Variants in PCBD2 observed in about 807,000 individuals in gnomAD.
PCBD2 encodes pterin-4 alpha-carbinolamine dehydratase 2.
In PCBD2, 12 loss-of-function variants were observed where a neutral mutation model predicts 16.4. The observed-to-expected ratio is 0.73, with a 90% CI of 0.47 to 1.19. The LOEUF (loss-of-function observed/expected upper bound fraction) is 1.19, where lower values mean the gene tolerates loss of function less well. Among genes scored for constraint, PCBD2 ranks in the 50% most tolerant of loss-of-function variants. The pLI is 0.00. For synonymous variants in PCBD2, 58 were observed against 61.8 expected (o/e 0.94, Z 0.29); for missense variants, 138 against 156.8 (o/e 0.88, Z 0.64).
chr5:134,954,755 T>G (rs1418482411), intron 2 of PCBD2, among the ~76,000 whole-genome samples: 1 of 152,132 alleles, frequency 6.6e-6, no homozygotes, highest in East Asian at 1.9e-4. Flanking sequence ...TCTTTTTTTT[T>G]TTTTGAGACA....
At chr5:134,926,988 G>A (rs1003434416) in intron 2 of PCBD2, 2 of 398,378 alleles carry the variant, frequency 5.0e-6, no homozygotes, top group South Asian at 1.3e-4. Context: ...TGGGAGTAGG[G>A]TTTGAAGTCC....
chr5:134,909,485 C>G (rs1010197354), intron 1 of PCBD2, among the ~76,000 whole-genome samples: 1 of 152,158 alleles, frequency 6.6e-6, no homozygotes, highest in African/African-American at 2.4e-5. Flanking sequence ...AAAGACAGAC[C>G]AAAACAAGGC....
In PCBD2 at chr5:134,946,113, C is replaced by CA. The variant is rs956738222; in HGVS notation, c.217-12921dup. Among the ~76,000 whole-genome samples the CA allele has an allele frequency of 4.6e-5, 7 of 150,800 alleles. No individual in the cohort carries two copies. The East Asian group carries it at 1.2e-3, about 25-fold the overall frequency. On this transcript the variant is annotated intron_variant, in intron 2 of 3. Coordinates refer to ENST00000254908, the MANE Select transcript of PCBD2 (RefSeq NM_032151.5). The stretch of plus-strand genomic sequence containing the variant: ...TAAATAAGATTGTTTAAAACAAAAA[C>CA]AAAAAATCCCTACTTTCCATCTATA...
At chr5:134,921,317 T>C (rs1750901003) in intron 2 of PCBD2, among the ~76,000 whole-genome samples, 1 of 152,214 alleles carries the variant, frequency 6.6e-6, no homozygotes, top group African/African-American at 2.4e-5. Flanking sequence ...TACTAGAATG[T>C]GAAGTGCTGT....
At chr5:134,954,694 T>G (rs1258430547) in intron 2 of PCBD2, among the ~76,000 whole-genome samples, 1 of 152,192 alleles carries the variant, frequency 6.6e-6, no homozygotes, top group Non-Finnish European at 1.5e-5. Context: ...GTATTGCCCC[T>G]CTGACTTCTA....
Position 134,913,386 on chromosome 5 carries a change from T to G in PCBD2, c.216+2920T>G, listed in dbSNP as rs539592242. On this transcript the variant is annotated intron_variant, in intron 2 of 3. Transcript: ENST00000254908. ...GAATAATGTGAAGGAGCTCAGCACA[T>G]GGTGATCCAAGGGAAGAGCTTTCCA... is the stretch of plus-strand genomic sequence containing the variant. Among the ~76,000 whole-genome samples the G allele has an allele frequency of 3.3e-5, 5 of 152,204 alleles. No individual in the cohort carries two copies. In the South Asian group the frequency reaches 1.0e-3, roughly 32 times the overall value.
In PCBD2 at chr5:134,961,517, C is replaced by T. The variant is rs1751477065; in HGVS notation, c.*836C>T. On this transcript the variant is annotated 3_prime_UTR_variant, in exon 4 of 4. Transcript: ENST00000254908. ...GCCAGGATGGTCTCGATCTACTGACCTCGTGATCCACCTGCCTCCACCTCC... is the reference window on the plus strand; with the variant it reads ...GCCAGGATGGTCTCGATCTACTGACTTCGTGATCCACCTGCCTCCACCTCC... Among the ~76,000 whole-genome samples, 1 of 152,016 alleles carries T rather than the reference C, an allele frequency of 6.6e-6. No homozygotes were observed. The highest frequency in any genetic ancestry group is 1.5e-5 in the Non-Finnish European group (1 of 68,006).
intron 2 of PCBD2, among the ~76,000 whole-genome samples, chr5:134,947,776 T>G (rs1010845578): frequency 7.2e-6 from 1 of 137,932 alleles, no homozygotes; most frequent in Non-Finnish European, 1.6e-5. Flanking sequence ...TATGAAGTCG[T>G]TTTTTTTTTA....
At chr5:134,924,879 TCCG>T in intron 2 of PCBD2, 1 of 390,568 alleles carries the variant, frequency 2.6e-6, no homozygotes, top group East Asian at 3.6e-5. Flanking sequence ...TAGGGTAAAA[TCCG>T]AGTATATTAG....
chr5:134,957,074 C>T (rs1207790888), intron 2 of PCBD2, among the ~76,000 whole-genome samples: 1 of 151,984 alleles, frequency 6.6e-6, no homozygotes, highest in Non-Finnish European at 1.5e-5. Context: ...ACCAGCCTGG[C>T]CAAGATAGTG....
intron 2 of PCBD2, chr5:134,923,786 T>C: frequency 5.1e-6 from 2 of 393,404 alleles, no homozygotes; most frequent in Non-Finnish European, 4.5e-6. Flanking sequence ...TGAAGAATAT[T>C]GAGGCGCCAT....
Position 134,953,958 on chromosome 5 carries a change from A to T in PCBD2, c.217-5082A>T, listed in dbSNP as rs970520102. On this transcript the variant is annotated intron_variant, in intron 2 of 3. Coordinates refer to ENST00000254908, the MANE Select transcript of PCBD2 (RefSeq NM_032151.5). ...TTTTCAGTCCTAGTGCTTATGTTTA[A>T]TTAATTAATTAATCAGATACAGAGT... Among the ~76,000 whole-genome samples, 4 of 151,860 alleles carry T rather than the reference A, an allele frequency of 2.6e-5. No homozygotes were observed. In the East Asian group the frequency reaches 5.8e-4, roughly 22 times the overall value.
At chr5:134,917,810 C>T (rs4345357) in intron 2 of PCBD2, among the ~76,000 whole-genome samples, 9,568 of 152,182 alleles carry the variant, frequency 0.063, 723 homozygotes, top group African/African-American at 0.19. Context: ...CTTTGGGGTT[C>T]GTAAAATGTT....
At chr5:134,910,048 C>T (rs543023586) in intron 1 of PCBD2, among the ~76,000 whole-genome samples, 33 of 152,266 alleles carry the variant, frequency 2.2e-4, no homozygotes, top group African/African-American at 7.2e-4. Flanking sequence ...CCAGCCTGGG[C>T]GACAGAGCGA....
rs1044224828 is a variant in PCBD2, at chr5:134,961,949, A to T, written c.*1268A>T. ...ACTAATTTTTAAATTTTTTGTAGAG[A>T]TGGGGTCTCCCATCTTGCCCAGGCT... On this transcript the variant is annotated 3_prime_UTR_variant, in exon 4 of 4. Transcript: ENST00000254908. Among the ~76,000 whole-genome samples, 1 of 151,858 alleles carries T rather than the reference A, an allele frequency of 6.6e-6. No individual in the cohort carries two copies.
At chr5:134,932,970 C>T (rs961350885) in intron 2 of PCBD2, among the ~76,000 whole-genome samples, 2 of 152,080 alleles carry the variant, frequency 1.3e-5, no homozygotes, top group African/African-American at 2.4e-5. Flanking sequence ...CTCCTGTTAA[C>T]ATTTGAGTGG....
chr5:134,918,965 G>T (rs558289697), intron 2 of PCBD2, among the ~76,000 whole-genome samples: 1 of 152,178 alleles, frequency 6.6e-6, no homozygotes, highest in African/African-American at 2.4e-5. Flanking sequence ...TTGTAAAAGC[G>T]CATGCAACAG....
intron 2 of PCBD2, among the ~76,000 whole-genome samples, chr5:134,947,682 C>T (rs569404331): frequency 4.6e-5 from 7 of 152,152 alleles, no homozygotes; most frequent in South Asian, 4.1e-4. Context: ...CCACCGCGCT[C>T]GGCCCCCTGA....
intron 2 of PCBD2, chr5:134,923,697 A>T (rs1409820532): frequency 5.2e-6 from 2 of 384,796 alleles, no homozygotes; most frequent in South Asian, 1.4e-4. Context: ...AAGTAGGAGG[A>T]TGATGCCAAT....
Sources: allele counts gnomAD v4.1 joint callset (sites outside exome capture counted in the v4.1 genomes callset), GRCh38; gene constraint gnomAD v4.1.1; transcripts MANE v1.5; gene names NCBI Gene and HGNC (gene_info 2026-07-23, HGNC 2026-07-21).